The following LRRC57 variants were observed in gnomAD, a reference collection of about 807,000 sequenced individuals.
LRRC57 encodes leucine-rich repeat-containing protein 57.
A neutral mutation model predicts 23.1 loss-of-function variants in LRRC57; 14 were observed. The ratio of observed to expected loss-of-function variants is 0.61; its 90% CI spans 0.40 to 0.95. The LOEUF (loss-of-function observed/expected upper bound fraction) is 0.95. Among genes scored for constraint, LRRC57 ranks in the 40% least tolerant of loss-of-function variants. LRRC57 has a pLI of 0.00. For missense variants in LRRC57, 236 were observed against 284.4 expected (o/e 0.83, Z 1.22); for synonymous variants, 106 against 115.2 (o/e 0.92, Z 0.51).
intron 1 of LRRC57, 103 bp downstream of exon 1, chr15:42,548,590 G>C (rs1263207772): frequency 2.8e-6 from 2 of 715,836 alleles, no homozygotes; most frequent in East Asian, 5.4e-5. Flanking sequence ...AGGAAGAAAC[G>C]GAAGAACACA....
In LRRC57 at chr15:42,548,452, G is replaced by T; in HGVS notation, c.-18C>A. On this transcript the variant is annotated 5_prime_UTR_variant, in exon 2 of 6. The change creates a new upstream start codon in the 5' untranslated region. Coordinates refer to ENST00000397130, the MANE Select transcript of LRRC57 (RefSeq NM_153260.3). ...TTTCCCATCCTAGCGCCGCGGCTCA[G>T]GTCCCTGCGGGAAGGAAGCGCTGCT... is the stretch of plus-strand genomic sequence containing the variant. 6.2e-7 allele frequency: 1 copy of T among 1,612,166 alleles called. No individual in the cohort carries two copies.
rs369077150 is a variant in LRRC57, at chr15:42,548,254, G to C, written c.85-10C>G. ...GCAAGTCTGCGGGGAACTGGAGAAA[G>C]GAGTTCACAGCGTGGGGAATCCCGC... On this transcript the variant is annotated splice_polypyrimidine_tract_variant and intron_variant, in intron 2 of 5. Transcript: ENST00000397130. 8.5e-5 allele frequency: 138 copies of C among 1,614,080 alleles called. No individual in the cohort carries two copies. The highest frequency in any genetic ancestry group is 1.1e-4 in the Non-Finnish European group (126 of 1,180,030).
chr15:42,537,402 A>G (rs947975074), downstream of LRRC57, among the ~76,000 whole-genome samples: 1 of 152,240 alleles, frequency 6.6e-6, no homozygotes, highest in Non-Finnish European at 1.5e-5. Context: ...AATGCTGGCA[A>G]GGATGCTGAG....
At position 42,539,244 on chromosome 15, in the gene LRRC57, C is replaced by A. The variant is rs1013641892; in HGVS notation, c.*4839G>T. Reference sequence around the variant, plus strand: ...CTGTAATCCCAGCACTATGGGAAGCCAAGGCAGGGGGATCACCTGAGGCCA... The same window carrying A: ...CTGTAATCCCAGCACTATGGGAAGCAAAGGCAGGGGGATCACCTGAGGCCA... On this transcript the variant is annotated 3_prime_UTR_variant, in exon 6 of 6. Transcript: ENST00000397130. 4.0e-5 allele frequency: 6 copies of A among 151,668 alleles called. No homozygotes were observed. The highest frequency in any genetic ancestry group is 1.2e-4 in the African/African-American group (5 of 41,242). 9.4% of individuals were successfully genotyped at this position (151,668 alleles called of 1,614,324 possible). A position where few individuals can be genotyped will look rare whatever the true frequency, so the allele number is the denominator to read the frequency against.
chr15:42,537,264 C>CAT (rs59946975), downstream of LRRC57, among the ~76,000 whole-genome samples: 1 of 150,686 alleles, frequency 6.6e-6, no homozygotes, highest in Non-Finnish European at 1.5e-5. Flanking sequence ...CACACACACA[C>CAT]GCACGCACAC....
At chr15:42,529,808 A>G in the LRRC57 span, 1 of 1,611,452 alleles carries the variant, frequency 6.2e-7, no homozygotes, top group Non-Finnish European at 8.5e-7. Flanking sequence ...AATAAAACGA[A>G]TCACAGACAA....
rs1268961809 is a variant in LRRC57 at position 42,539,679 on chromosome 15, T to C, written c.*4404A>G. The C allele has an allele frequency of 6.6e-6, 1 of 152,162 alleles. No homozygotes were observed. Among genetic ancestry groups the C allele is most frequent in the Non-Finnish European group, 1.5e-5 (1 of 68,046 alleles). 9.4% of individuals were successfully genotyped at this position (152,162 alleles called of 1,614,324 possible). A position where few individuals can be genotyped will look rare whatever the true frequency, so the allele number is the denominator to read the frequency against. ...GTGGCCAGATTCAAATCTGGGTCTT[T>C]AGACCACAAGCTAGTTTACTTGATT... On this transcript the variant is annotated 3_prime_UTR_variant, in exon 6 of 6. Coordinates refer to ENST00000397130, the MANE Select transcript of LRRC57 (RefSeq NM_153260.3).
Position 42,545,157 on chromosome 15 carries a change from C to T in LRRC57, c.598G>A (p.Asp200Asn), listed in dbSNP as rs1431896106. 6.2e-7 allele frequency: 1 copy of T among 1,610,440 alleles called. No homozygotes were observed. The highest frequency in any genetic ancestry group is 8.5e-7 in the Non-Finnish European group (1 of 1,178,260). The change falls in exon 5 of 6, where the codon GAT becomes AAT. Residue 200 changes from aspartate (D) to asparagine (N), a missense_variant. Asp to Asn is a conservative substitution (Grantham distance 23). Coordinates refer to ENST00000397130, the MANE Select transcript of LRRC57 (RefSeq NM_153260.3). ...LSMLPQSILS[D>N]SQICLLAVEG... is the part of the protein sequence containing the mutation. ...ACAGCAAGCAGACAGATCTGGGAAT[C>T]ACTGAGGATGCTCTGGGGAAGCATG...
At chr15:42,531,467 A>G in the LRRC57 span, 2 of 1,602,240 alleles carry the variant, frequency 1.2e-6, no homozygotes, top group African/African-American at 2.7e-5. Flanking sequence ...AAAGAAACTC[A>G]TTGACAGCTA....
chr15:42,545,592 C>G (rs970207043), intron 4 of LRRC57: 3 of 172,976 alleles, frequency 1.7e-5, no homozygotes, highest in African/African-American at 7.1e-5. Context: ...TGGAATCCAC[C>G]ACCCAGAAAT....
chr15:42,529,716 T>G, the LRRC57 span: 1 of 1,614,098 alleles, frequency 6.2e-7, no homozygotes, highest in Admixed American at 1.7e-5. Flanking sequence ...GAAGAGAACC[T>G]GACTCAAGTG....
At chr15:42,535,666 G>A (rs915502892), downstream of LRRC57, among the ~76,000 whole-genome samples, 1 of 152,066 alleles carries the variant, frequency 6.6e-6, no homozygotes, top group Non-Finnish European at 1.5e-5. Flanking sequence ...CGCCCACCTC[G>A]GCCTCCCAAA....
rs2057625907 is a variant in LRRC57 at position 42,541,003 on chromosome 15, G to C, written c.*3080C>G. On this transcript the variant is annotated 3_prime_UTR_variant, in exon 6 of 6. Coordinates refer to ENST00000397130, the MANE Select transcript of LRRC57 (RefSeq NM_153260.3). ...GCCAAGATCGCACCACTGCACTCCA[G>C]CCTGGGTGAAAGAATGAGACTCCGT... The C allele has an allele frequency of 6.6e-6, 1 of 150,896 alleles. No individual in the cohort carries two copies. Among genetic ancestry groups the C allele is most frequent in the Admixed American group, 6.6e-5 (1 of 15,136 alleles). 9.3% of individuals were successfully genotyped at this position (150,896 alleles called of 1,614,324 possible).
intron 2 of LRRC57, 47 bp downstream of exon 2, chr15:42,548,304 C>A (rs369774567): frequency 4.3e-6 from 7 of 1,613,672 alleles, no homozygotes; most frequent in Non-Finnish European, 5.1e-6. Context: ...CCGCCCCCGC[C>A]GTCCCTCTCC....
In LRRC57 at chr15:42,538,156, C is replaced by T. The variant is rs1002856286; in HGVS notation, c.*5927G>A. 1.3e-5 allele frequency: 2 copies of T among 151,924 alleles called. No individual in the cohort carries two copies. The highest frequency in any genetic ancestry group is 4.8e-5 in the African/African-American group (2 of 41,362). The allele number at this position is 151,924 out of a possible 1,614,324, so 9.4% of individuals were successfully genotyped here. A position where few individuals can be genotyped will look rare whatever the true frequency, so the allele number is the denominator to read the frequency against. ...CATGTCTCAGAATATCACAAGTACC[C>T]CATAAATATGAACAAATATATATCA... On this transcript the variant is annotated 3_prime_UTR_variant, in exon 6 of 6. Transcript: ENST00000397130.
chr15:42,531,283 A>G, the LRRC57 span: 76 of 528,128 alleles, frequency 1.4e-4, no homozygotes, highest in Non-Finnish European at 2.1e-4. Context: ...CTTGCCCAAC[A>G]TGAGTTTTGT....
At chr15:42,544,842 C>CATATATATATATATATATATATATATATA in intron 5 of LRRC57, among the ~76,000 whole-genome samples, 3 of 98,038 alleles carry the variant, frequency 3.1e-5, no homozygotes, top group African/African-American at 2.0e-4. Context: ...CACACACACA[C>CATATATATATATATATATATATATATATA]TATATATATA....
intron 1 of LRRC57, 68 bp from the exon 2 acceptor site, chr15:42,548,524 C>T (rs542920305): frequency 1.5e-6 from 2 of 1,319,510 alleles, no homozygotes; most frequent in East Asian, 5.0e-5. Context: ...GGGCTCCTGC[C>T]CCAGCTCTCA....
At chr15:42,548,311 C>T in intron 2 of LRRC57, 40 bp downstream of exon 2, 1 of 1,613,978 alleles carries the variant, frequency 6.2e-7, no homozygotes, top group East Asian at 2.2e-5. Flanking sequence ...CGCCGTCCCT[C>T]TCCCTTTAAG....
Sources: gnomAD v4.1 joint callset for allele counts (sites outside exome capture counted in the v4.1 genomes callset) on GRCh38, gnomAD v4.1.1 for gene constraint, MANE v1.5 for transcripts, NCBI Gene and HGNC (gene_info 2026-07-23, HGNC 2026-07-21) for gene names.